The following ADA2 variants were observed in gnomAD, a reference collection of about 807,000 sequenced individuals.
The protein encoded by ADA2 is adenosine deaminase 2.
ADA2 carries 29 observed loss-of-function variants against 44.2 expected under a neutral mutation model. The ratio of observed to expected loss-of-function variants is 0.66; its 90% CI spans 0.49 to 0.89. The LOEUF (loss-of-function observed/expected upper bound fraction) is 0.89. Among genes scored for constraint, ADA2 ranks in the 40% least tolerant of loss-of-function variants. The pLI is 0.00. For synonymous variants in ADA2, 215 were observed against 234.9 expected (o/e 0.92, Z 0.77); for missense variants, 637 against 644.8 (o/e 0.99, Z 0.13).
rs544946886 is a variant in ADA2 at position 17,202,421 on chromosome 22, G to A, written c.753+1142C>T. Among the ~76,000 whole-genome samples the A allele has an allele frequency of 1.7e-3, 256 of 152,014 alleles. 1 individual carries two copies. Among genetic ancestry groups the A allele is most frequent in the African/African-American group, 5.6e-3 (231 of 41,474 alleles). ...ATTACAGGCATGAGCCACCTCGCCCGGCCAACAGCTAATTTTTGTATTTTT... is the reference window on the plus strand; with the variant it reads ...ATTACAGGCATGAGCCACCTCGCCCAGCCAACAGCTAATTTTTGTATTTTT... On this transcript the variant is annotated intron_variant, in intron 4 of 9. Transcript: ENST00000399837.
chr22:17,199,909 A>G, intron 4 of ADA2: 1 of 411,846 alleles, frequency 2.4e-6, no homozygotes, highest in Non-Finnish European at 4.0e-6. Flanking sequence ...GTAAAACCCC[A>G]TCTCGCCAGG....
At position 17,179,789 on chromosome 22, in the gene ADA2, C is replaced by T. The variant is rs1399951534; in HGVS notation, c.*1694G>A. The T allele has an allele frequency of 1.3e-5, 2 of 152,216 alleles. No homozygotes were observed. The highest frequency in any genetic ancestry group is 1.9e-4 in the East Asian group (1 of 5,194). 9.4% of individuals were successfully genotyped at this position (152,216 alleles called of 1,614,324 possible). On this transcript the variant is annotated 3_prime_UTR_variant, in exon 10 of 10. Transcript: ENST00000399837. ...TGGAGACATGGGGTGTACCTCTAAA[C>T]GCACTGCGTTGTAAGCAAAGGAGTG...
chr22:17,217,572 C>T (rs1482525679), intron 1 of ADA2, among the ~76,000 whole-genome samples: 1 of 152,162 alleles, frequency 6.6e-6, no homozygotes, highest in Admixed American at 6.6e-5. Context: ...ATAATCCCAG[C>T]ACTTTGGGAG....
intron 1 of ADA2, among the ~76,000 whole-genome samples, chr22:17,216,395 G>C (rs2123734027): frequency 6.6e-6 from 1 of 151,796 alleles, no homozygotes; most frequent in Non-Finnish European, 1.5e-5. Context: ...AAAACCTACA[G>C]TTAGATAGAA....
intron 4 of ADA2, among the ~76,000 whole-genome samples, chr22:17,201,960 CTTTTTTCTTTT>C (rs1324080868): frequency 2.3e-5 from 3 of 128,142 alleles, no homozygotes; most frequent in African/African-American, 9.2e-5. Context: ...ATTTTTTTTT[CTTTTTTCTTTT>C]TTTTTTTTTT....
Position 17,209,580 on chromosome 22 carries a change from G to GT in ADA2, c.97dup (p.Thr33AsnfsTer29), listed in dbSNP as rs1478785514. 6.2e-7 allele frequency: 1 copy of GT among 1,614,056 alleles called. No homozygotes were observed. The highest frequency in any genetic ancestry group is 2.2e-5 in the East Asian group (1 of 44,874). ...TTCTTTCAACAACAGATGCGCCCGT[G>GT]TTTCATCTATGGATAGAGCTGAGCC... On this transcript the variant is annotated frameshift_variant, in exon 2 of 10. Coordinates refer to ENST00000399837, the MANE Select transcript of ADA2 (RefSeq NM_001282225.2). LOFTEE classifies it high-confidence loss of function.
At chr22:17,217,811 A>T (rs373813547) in intron 1 of ADA2, among the ~76,000 whole-genome samples, 1 of 152,186 alleles carries the variant, frequency 6.6e-6, no homozygotes, top group Non-Finnish European at 1.5e-5. Flanking sequence ...CTGTCTCAAA[A>T]ATAAATACGT....
chr22:17,197,032 G>A (rs1398148815), intron 4 of ADA2, among the ~76,000 whole-genome samples: 2 of 152,046 alleles, frequency 1.3e-5, no homozygotes, highest in African/African-American at 2.4e-5. Flanking sequence ...AATTAGCCGG[G>A]CATGGTGATG....
intron 1 of ADA2, among the ~76,000 whole-genome samples, chr22:17,216,771 A>AAACAC (rs1555888344): frequency 7.4e-6 from 1 of 135,076 alleles, no homozygotes; most frequent in African/African-American, 2.8e-5. Context: ...AAAAAAAAAA[A>AAACAC]ACACACACAC....
At chr22:17,194,906 C>T (rs1332220447) in intron 4 of ADA2, among the ~76,000 whole-genome samples, 1 of 151,934 alleles carries the variant, frequency 6.6e-6, no homozygotes, top group African/African-American at 2.4e-5. Flanking sequence ...CCTCATCTGC[C>T]TAAATTTCCC....
chr22:17,198,247 GC>G (rs2123682421), intron 4 of ADA2, among the ~76,000 whole-genome samples: 1 of 152,258 alleles, frequency 6.6e-6, no homozygotes, highest in South Asian at 2.1e-4. Context: ...GAGGAAAAAT[GC>G]CTGTGTCCCA....
At chr22:17,217,651 T>C (rs2062486262) in intron 1 of ADA2, among the ~76,000 whole-genome samples, 1 of 151,858 alleles carries the variant, frequency 6.6e-6, no homozygotes, top group African/African-American at 2.4e-5. Flanking sequence ...AAAACCAAAA[T>C]ACAAAAATTA....
At chr22:17,212,565 T>A (rs1173011296) in intron 1 of ADA2, among the ~76,000 whole-genome samples, 5 of 152,144 alleles carry the variant, frequency 3.3e-5, no homozygotes, top group Non-Finnish European at 7.4e-5. Context: ...TGAGTCACCA[T>A]GCCCGGCCAA....
intron 1 of ADA2, among the ~76,000 whole-genome samples, chr22:17,215,467 G>A (rs1459536146): frequency 3.3e-5 from 5 of 151,956 alleles, no homozygotes; most frequent in Middle Eastern, 3.2e-3. Flanking sequence ...TTAGCTGAGC[G>A]TGGTGGCGGA....
intron 1 of ADA2, 69 bp downstream of exon 1, chr22:17,219,287 C>T (rs1206253249): frequency 6.6e-6 from 1 of 152,322 alleles, no homozygotes; most frequent in Non-Finnish European, 1.5e-5. Context: ...TGGATCAAGC[C>T]CAAGCTCCGG....
chr22:17,218,197 T>C (rs1042022568), intron 1 of ADA2, among the ~76,000 whole-genome samples: 8 of 152,204 alleles, frequency 5.3e-5, no homozygotes, highest in African/African-American at 1.9e-4. Context: ...GAAAAATTTT[T>C]AAGTTAAAGA....
Position 17,193,357 on chromosome 22 carries a change from G to GAAAAAAAAAAAA in ADA2, c.754-1548_754-1547insTTTTTTTTTTTT, listed in dbSNP as rs1568976329. 7 of 47,622 alleles carry GAAAAAAAAAAAA rather than the reference G, an allele frequency of 1.5e-4. 1 individual carries two copies. The highest frequency in any genetic ancestry group is 7.6e-4 in the Admixed American group (2 of 2,636). The allele number at this position is 47,622 out of a possible 1,614,324, so 2.9% of individuals were successfully genotyped here. ...GTGTTTAAATAAAACCGTAAAAACTGCAAAAAAAAAAAAAAAAAAAAAAAA... is the reference window on the plus strand; with the variant it reads ...GTGTTTAAATAAAACCGTAAAAACTGAAAAAAAAAAAACAAAAAAAAAAAAAAAAAAAAAAAA... On this transcript the variant is annotated intron_variant, in intron 4 of 9. Transcript: ENST00000399837.
chr22:17,217,067 C>A (rs1205267076), intron 1 of ADA2, among the ~76,000 whole-genome samples: 1 of 151,938 alleles, frequency 6.6e-6, no homozygotes, highest in African/African-American at 2.4e-5. Flanking sequence ...TTAGAAAGAA[C>A]TTTCAGAAAT....
intron 7 of ADA2, among the ~76,000 whole-genome samples, chr22:17,186,082 A>G (rs1399982633): frequency 6.6e-6 from 1 of 152,228 alleles, no homozygotes; most frequent in African/African-American, 2.4e-5. Context: ...CAGGAGGAAC[A>G]GCAGCCAGGG....
Sources: allele counts gnomAD v4.1 joint callset (sites outside exome capture counted in the v4.1 genomes callset), GRCh38; gene constraint gnomAD v4.1.1; transcripts MANE v1.5; gene names NCBI Gene and HGNC (gene_info 2026-07-23, HGNC 2026-07-21).